SNTG2: variants seen among roughly 807,000 people sequenced by gnomAD.
The protein encoded by SNTG2 is syntrophin gamma 2.
SNTG2 carries 74 observed loss-of-function variants against 70.9 expected under a neutral mutation model. The ratio of observed to expected loss-of-function variants is 1.04; its 90% CI spans 0.86 to 1.27. The LOEUF is 1.27. Ranked by LOEUF, SNTG2 falls within the 50% of genes most tolerant of loss-of-function variation. The pLI is 0.00. For missense variants in SNTG2, 717 were observed against 690.7 expected (o/e 1.04, Z -0.43); for synonymous variants, 278 against 273.8 (o/e 1.02, Z -0.15).
Position 1,222,049 on chromosome 2 carries a change from CTCTCTCTGTCTCTGTT to C in SNTG2, c.719+12835_719+12850del, listed in dbSNP as rs1675124470. The stretch of plus-strand genomic sequence containing the variant: ...TCTGCCTATCTCTGTCTCTCTCTGT[CTCTCTCTGTCTCTGTT>C]TCTCTCTGTCTCTGTCTCTGTCTCT... On this transcript the variant is annotated intron_variant, in intron 9 of 16. Coordinates refer to ENST00000308624, the MANE Select transcript of SNTG2 (RefSeq NM_018968.4). Among the ~76,000 whole-genome samples the C allele has an allele frequency of 4.3e-4, 14 of 32,774 alleles. 1 individual carries two copies. The highest frequency in any genetic ancestry group is 6.9e-4 in the African/African-American group (4 of 5,778). The allele number at this position is 32,774 out of a possible 152,430, so 21.5% of individuals were successfully genotyped here.
At chr2:1,045,649 CA>C (rs1367374267) in intron 1 of SNTG2, among the ~76,000 whole-genome samples, 3 of 152,094 alleles carry the variant, frequency 2.0e-5, no homozygotes, top group Admixed American at 6.6e-5. Flanking sequence ...AAAAGCCATT[CA>C]GGGGCAGATT....
chr2:1,177,199 A>C (rs1348010200), intron 8 of SNTG2, among the ~76,000 whole-genome samples: 1 of 152,188 alleles, frequency 6.6e-6, no homozygotes, highest in African/African-American at 2.4e-5. Context: ...TGAAGCTGGA[A>C]GCCATTATCC....
rs539135886 is a variant in SNTG2, at chr2:1,328,306, T to G, written c.1488+11931T>G. On this transcript the variant is annotated intron_variant, in intron 16 of 16. Transcript: ENST00000308624. ...ACAAACATGTGGATAGACACGTACA[T>G]GCATGCAGATACAACATATGACATA... is the stretch of plus-strand genomic sequence containing the variant. 1.6e-4 allele frequency among the ~76,000 whole-genome samples: 24 copies of G among 152,260 alleles called. 1 individual carries two copies. The highest frequency in any genetic ancestry group is 5.8e-4 in the African/African-American group (24 of 41,546).
At position 1,143,892 on chromosome 2, in the gene SNTG2, C is replaced by A. The variant is rs569961576; in HGVS notation, c.411+6083C>A. Among the ~76,000 whole-genome samples the A allele has an allele frequency of 2.3e-3, 340 of 144,796 alleles. 5 individuals carry two copies. Among genetic ancestry groups the A allele is most frequent in the African/African-American group, 9.1e-3 (335 of 36,888 alleles). 95.0% of individuals were successfully genotyped at this position (144,796 alleles called of 152,430 possible). On this transcript the variant is annotated intron_variant, in intron 6 of 16. Coordinates refer to ENST00000308624, the MANE Select transcript of SNTG2 (RefSeq NM_018968.4). The stretch of plus-strand genomic sequence containing the variant: ...TGTCTCAAACAACAAACAACCCCCC[C>A]CCAGAAAAAGAAAATATTATATTCA...
intron 1 of SNTG2, among the ~76,000 whole-genome samples, chr2:962,298 C>T (rs1034518495): frequency 1.2e-5 from 1 of 81,060 alleles, no homozygotes; most frequent in African/African-American, 3.9e-5. Context: ...TCTTGAACTC[C>T]TGGTCTTAAG....
At chr2:1,259,234 T>C in intron 12 of SNTG2, 136 bp from the exon 13 acceptor site, 1 of 704,728 alleles carries the variant, frequency 1.4e-6, no homozygotes, top group South Asian at 1.8e-5. Context: ...TAAAGTTTAA[T>C]GTTACCAATT....
At chr2:1,194,229 A>G (rs1220060760) in intron 8 of SNTG2, among the ~76,000 whole-genome samples, 1 of 152,228 alleles carries the variant, frequency 6.6e-6, no homozygotes, top group African/African-American at 2.4e-5. Flanking sequence ...GCACAAGGGA[A>G]GAAGCATGGT....
Position 1,060,306 on chromosome 2 carries a change from T to A in SNTG2, c.73-23212T>A, listed in dbSNP as rs535593317. On this transcript the variant is annotated intron_variant, in intron 1 of 16. Transcript: ENST00000308624. Reference sequence around the variant, plus strand: ...AACGATACCAGTGTGAACTCAGTTGTTTAATATTGATACCTATCTAATGGA... The same window carrying A: ...AACGATACCAGTGTGAACTCAGTTGATTAATATTGATACCTATCTAATGGA... 5.0e-4 allele frequency among the ~76,000 whole-genome samples: 76 copies of A among 152,332 alleles called. No homozygotes were observed. The South Asian group carries it at 0.011, about 22-fold the overall frequency.
At chr2:996,704 T>A (rs894480377) in intron 1 of SNTG2, among the ~76,000 whole-genome samples, 3 of 102,290 alleles carry the variant, frequency 2.9e-5, no homozygotes, top group Non-Finnish European at 4.1e-5. Context: ...TTTTTTTTTT[T>A]ACTACCACTA....
chr2:1,091,526 C>T (rs973196957), intron 2 of SNTG2, among the ~76,000 whole-genome samples: 8 of 152,194 alleles, frequency 5.3e-5, no homozygotes, highest in Non-Finnish European at 1.2e-4. Flanking sequence ...GGCCTGGTTC[C>T]TGACTGCAGC....
intron 8 of SNTG2, among the ~76,000 whole-genome samples, chr2:1,197,339 A>C (rs1643679885): frequency 6.6e-6 from 1 of 151,884 alleles, no homozygotes; most frequent in Admixed American, 6.6e-5. Context: ...TATCAGATAA[A>C]ATAGACTTTA....
intron 9 of SNTG2, among the ~76,000 whole-genome samples, chr2:1,219,422 G>T (rs1674607167): frequency 6.6e-6 from 1 of 152,176 alleles, no homozygotes; most frequent in African/African-American, 2.4e-5. Context: ...TGAACAGAAG[G>T]CAGGAAATTC....
At chr2:1,149,208 T>A (rs62105985) in intron 6 of SNTG2, among the ~76,000 whole-genome samples, 147,057 of 149,696 alleles carry the variant, frequency 0.98, 72,278 homozygotes, top group Non-Finnish European at 1. Context: ...TGTGTGTGTG[T>A]GAGAGAGAGA....
At chr2:1,156,057 G>A (rs1009446334) in intron 6 of SNTG2, among the ~76,000 whole-genome samples, 30 of 152,196 alleles carry the variant, frequency 2.0e-4, no homozygotes, top group African/African-American at 5.8e-4. Context: ...CCAAGGGGTA[G>A]ATGGAGCACA....
At chr2:1,016,171 TA>T (rs35778031) in intron 1 of SNTG2, among the ~76,000 whole-genome samples, 28 of 148,962 alleles carry the variant, frequency 1.9e-4, no homozygotes, top group Admixed American at 8.0e-4. Context: ...TTCCTGTAAT[TA>T]AAAAAAAAAG....
intron 8 of SNTG2, among the ~76,000 whole-genome samples, chr2:1,200,430 G>A (rs1384196141): frequency 1.3e-5 from 2 of 151,944 alleles, no homozygotes; most frequent in African/African-American, 4.8e-5. Flanking sequence ...AGTAAACATA[G>A]TAGAAACACT....
rs961420433 is a variant in SNTG2, at chr2:1,259,401, G to A, written c.1037G>A (p.Arg346Lys). The A allele has an allele frequency of 7.4e-6, 12 of 1,614,014 alleles. No individual in the cohort carries two copies. Among genetic ancestry groups the A allele is most frequent in the Non-Finnish European group, 1.0e-5 (12 of 1,179,882 alleles). ...VSTFDWVRAE[R>K]TYHLCEVLFK... ...ACATTCGATTGGGTGCGAGCAGAAAGGACCTATCACCTCTGTGAGGTGCTA... is the reference window on the plus strand; with the variant it reads ...ACATTCGATTGGGTGCGAGCAGAAAAGACCTATCACCTCTGTGAGGTGCTA... Residue 346 changes from arginine (R) to lysine (K), a missense_variant, in exon 13 of 17, where the codon AGG becomes AAG. Physicochemically the swap from Arg to Lys is conservative, Grantham distance 26. Transcript: ENST00000308624.
At position 951,076 on chromosome 2, in the gene SNTG2, C is replaced by T. The variant is rs1173680634; in HGVS notation, c.72+8C>T. Reference sequence around the variant, plus strand: ...CTGCTGGTACCTGCGCGGGTGAGTGCGGCCCCTCAGCGCCCCTTCACCTCC... The same window carrying T: ...CTGCTGGTACCTGCGCGGGTGAGTGTGGCCCCTCAGCGCCCCTTCACCTCC... On this transcript the variant is annotated splice_region_variant and intron_variant, in intron 1 of 16. Coordinates refer to ENST00000308624, the MANE Select transcript of SNTG2 (RefSeq NM_018968.4). 5.6e-6 allele frequency: 7 copies of T among 1,246,998 alleles called. No homozygotes were observed. Among genetic ancestry groups the T allele is most frequent in the Non-Finnish European group, 4.0e-6 (4 of 997,682 alleles). The allele number at this position is 1,246,998 out of a possible 1,614,324, so 77.2% of individuals were successfully genotyped here. A position where few individuals can be genotyped will look rare whatever the true frequency, so the allele number is the denominator to read the frequency against.
chr2:1,288,507 G>C (rs1056971865), intron 14 of SNTG2, among the ~76,000 whole-genome samples: 2 of 151,526 alleles, frequency 1.3e-5, no homozygotes, highest in Non-Finnish European at 2.9e-5. Flanking sequence ...TTCACACACA[G>C]AGGCATATAC....
Sources: allele counts gnomAD v4.1 joint callset (sites outside exome capture counted in the v4.1 genomes callset), GRCh38; gene constraint gnomAD v4.1.1; transcripts MANE v1.5; gene names NCBI Gene and HGNC (gene_info 2026-07-23, HGNC 2026-07-21).